TDRD3: variants seen among roughly 807,000 people sequenced by gnomAD.
TDRD3 encodes tudor domain containing 3, also known as tudor domain-containing protein 3.
Under a neutral mutation model 86.7 loss-of-function variants are expected in TDRD3, and 45 were observed. That is an observed-to-expected ratio of 0.52 (90% CI 0.41 to 0.67). The LOEUF (loss-of-function observed/expected upper bound fraction) is 0.67, where lower values mean the gene tolerates loss of function less well. TDRD3 is among the 30% of genes least tolerant of loss of function. The pLI is 0.00. For missense variants in TDRD3, 814 were observed against 889.0 expected (o/e 0.92, Z 1.07); for synonymous variants, 298 against 301.7 (o/e 0.99, Z 0.13).
intron 1 of TDRD3, among the ~76,000 whole-genome samples, chr13:60,406,273 T>G (rs1325041997): frequency 6.6e-6 from 1 of 152,194 alleles, no homozygotes; most frequent in Non-Finnish European, 1.5e-5. Context: ...TGGTGGACAT[T>G]AGACAAATAT....
chr13:60,415,527 AC>A (rs968689854), intron 1 of TDRD3, among the ~76,000 whole-genome samples: 1 of 152,150 alleles, frequency 6.6e-6, no homozygotes, highest in Admixed American at 6.5e-5. Context: ...TATTGGGAAA[AC>A]TAGGCCCTCA....
At chr13:60,472,764 A>G (rs1777795144) in intron 5 of TDRD3, among the ~76,000 whole-genome samples, 1 of 152,238 alleles carries the variant, frequency 6.6e-6, no homozygotes, top group Non-Finnish European at 1.5e-5. Flanking sequence ...TAAGCTGGGT[A>G]TAAAAAGACA....
intron 1 of TDRD3, among the ~76,000 whole-genome samples, chr13:60,418,945 G>T (rs1380872366): frequency 6.6e-6 from 1 of 152,062 alleles, no homozygotes; most frequent in Non-Finnish European, 1.5e-5. Flanking sequence ...ACCATAATTT[G>T]TTTGGTCATT....
chr13:60,494,696 A>C (rs1232316307), intron 8 of TDRD3, 121 bp downstream of exon 8: 2 of 819,636 alleles, frequency 2.4e-6, no homozygotes, highest in East Asian at 5.8e-5. Flanking sequence ...ATAACTCTTG[A>C]AGGCTTTCAT....
intron 1 of TDRD3, among the ~76,000 whole-genome samples, chr13:60,401,700 G>A (rs977307352): frequency 6.6e-6 from 1 of 152,084 alleles, no homozygotes; most frequent in African/African-American, 2.4e-5. Flanking sequence ...TGTTTTGAGG[G>A]CAGAGATGGG....
At chr13:60,422,208 A>G (rs1005136600) in intron 1 of TDRD3, among the ~76,000 whole-genome samples, 1 of 152,164 alleles carries the variant, frequency 6.6e-6, no homozygotes, top group Non-Finnish European at 1.5e-5. Flanking sequence ...AATGAAGAGG[A>G]AAAGAAGGAA....
chr13:60,398,502 C>G (rs1341447980), intron 1 of TDRD3, among the ~76,000 whole-genome samples: 1 of 152,126 alleles, frequency 6.6e-6, no homozygotes, highest in Non-Finnish European at 1.5e-5. Flanking sequence ...CTATATGGTT[C>G]GTGAAAGATG....
At chr13:60,451,710 G>T (rs770133014) in intron 3 of TDRD3, among the ~76,000 whole-genome samples, 2 of 152,024 alleles carry the variant, frequency 1.3e-5, no homozygotes, top group Non-Finnish European at 2.9e-5. Context: ...CAAAGCACTT[G>T]TATCAACTAT....
chr13:60,397,324 C>T lies in TDRD3; in HGVS notation c.-41C>T, dbSNP rs1953945625. 2.3e-6 allele frequency: 3 copies of T among 1,294,786 alleles called. No homozygotes were observed. The highest frequency in any genetic ancestry group is 3.5e-5 in the African/African-American group (2 of 57,002). The allele number at this position is 1,294,786 out of a possible 1,614,324, so 80.2% of individuals were successfully genotyped here. On this transcript the variant is annotated 5_prime_UTR_variant, in exon 1 of 14. Coordinates refer to ENST00000377881, the MANE Select transcript of TDRD3 (RefSeq NM_001146070.2). ...TCAAGTAGGAGGCCTCCCCATCACC[C>T]CCACCCCAGCCCCCCACCACCCCCG...
At chr13:60,531,301 A>G (rs1179217268) in intron 11 of TDRD3, among the ~76,000 whole-genome samples, 1 of 152,200 alleles carries the variant, frequency 6.6e-6, no homozygotes, top group African/African-American at 2.4e-5. Context: ...CTACTTTCCA[A>G]AATTCAGGAA....
At chr13:60,410,025 GA>G (rs1413912228) in intron 1 of TDRD3, among the ~76,000 whole-genome samples, 1 of 152,158 alleles carries the variant, frequency 6.6e-6, no homozygotes, top group African/African-American at 2.4e-5. Context: ...TCATGATAGT[GA>G]ATAAGTCTCA....
chr13:60,504,625 T>C (rs1321632590), intron 8 of TDRD3, among the ~76,000 whole-genome samples: 3 of 152,196 alleles, frequency 2.0e-5, no homozygotes, highest in Admixed American at 6.5e-5. Context: ...CTTAAAAAAA[T>C]ATTTGATTCG....
intron 8 of TDRD3, among the ~76,000 whole-genome samples, chr13:60,502,477 A>T (rs1956854938): frequency 6.6e-6 from 1 of 152,194 alleles, no homozygotes. Context: ...CTTTAGTCTT[A>T]TACTTGGCCT....
intron 6 of TDRD3, among the ~76,000 whole-genome samples, chr13:60,484,982 A>G (rs951776235): frequency 6.6e-6 from 1 of 152,126 alleles, no homozygotes; most frequent in Non-Finnish European, 1.5e-5. Context: ...TATAATTTCA[A>G]TAATATTATT....
chr13:60,432,582 C>T (rs1954980576), intron 1 of TDRD3, among the ~76,000 whole-genome samples: 1 of 152,014 alleles, frequency 6.6e-6, no homozygotes, highest in African/African-American at 2.4e-5. Context: ...GTATTACAAT[C>T]AATTTACACT....
At chr13:60,513,182 G>A (rs9538727) in intron 10 of TDRD3, among the ~76,000 whole-genome samples, 20,831 of 152,136 alleles carry the variant, frequency 0.14, 1,494 homozygotes, top group East Asian at 0.2. Context: ...CTGCAGTCAC[G>A]GCCCCAGCTC....
At chr13:60,525,486 T>A (rs914473696) in intron 10 of TDRD3, among the ~76,000 whole-genome samples, 1 of 152,094 alleles carries the variant, frequency 6.6e-6, no homozygotes, top group Non-Finnish European at 1.5e-5. Flanking sequence ...GAATTCTTAT[T>A]TTTAAAAAAT....
At chr13:60,488,605 G>T (rs555472750) in intron 7 of TDRD3, among the ~76,000 whole-genome samples, 1 of 151,824 alleles carries the variant, frequency 6.6e-6, no homozygotes, top group East Asian at 1.9e-4. Flanking sequence ...ACAGAGTCTT[G>T]CTCTGTTGCC....
At chr13:60,425,090 C>G (rs1954768151) in intron 1 of TDRD3, among the ~76,000 whole-genome samples, 1 of 151,948 alleles carries the variant, frequency 6.6e-6, no homozygotes, top group Non-Finnish European at 1.5e-5. Flanking sequence ...AAACCATTAG[C>G]TAACTTATTC....
Sources: gnomAD v4.1 joint callset for allele counts (sites outside exome capture counted in the v4.1 genomes callset) on GRCh38, gnomAD v4.1.1 for gene constraint, MANE v1.5 for transcripts, NCBI Gene and HGNC (gene_info 2026-07-23, HGNC 2026-07-21) for gene names.